SPAG17: variants seen among roughly 807,000 people sequenced by gnomAD.
SPAG17 encodes the protein sperm associated antigen 17, also known as sperm-associated antigen 17.
Under a neutral mutation model 273.6 loss-of-function variants are expected in SPAG17, and 169 were observed. That is an observed-to-expected ratio of 0.62 (90% CI 0.55 to 0.70). The LOEUF (loss-of-function observed/expected upper bound fraction) is 0.70. Among genes scored for constraint, SPAG17 ranks in the 30% least tolerant of loss-of-function variants. The probability of loss-of-function intolerance (pLI) is 0.00; values close to 1 mark genes in which losing one functional copy is unlikely to be tolerated. For synonymous variants in SPAG17, 825 were observed against 873.2 expected (o/e 0.94, Z 0.97); for missense variants, 2,557 against 2,627.8 (o/e 0.97, Z 0.59).
Position 118,167,784 on chromosome 1 carries a change from C to T in SPAG17, c.88-16415G>A, listed in dbSNP as rs369649206. ...AAATCTCATGCTCAGTTGTAATCTC[C>T]GGTGTTGGAGGTGGGGCCTGGTGGG... On this transcript the variant is annotated intron_variant, in intron 1 of 48. Coordinates refer to ENST00000336338, the MANE Select transcript of SPAG17 (RefSeq NM_206996.4). 2.6e-4 allele frequency among the ~76,000 whole-genome samples: 39 copies of T among 152,164 alleles called. 2 individuals are homozygous for T. In the South Asian group the frequency reaches 6.9e-3, roughly 27 times the overall value.
intron 20 of SPAG17, among the ~76,000 whole-genome samples, chr1:118,045,772 G>A (rs1233290959): frequency 6.6e-6 from 1 of 152,108 alleles, no homozygotes; most frequent in African/African-American, 2.4e-5. Context: ...GTTAATCTAC[G>A]AGGTCTGTGC....
At chr1:118,085,836 T>C in intron 13 of SPAG17, 86 bp downstream of exon 13, 1 of 1,337,832 alleles carries the variant, frequency 7.5e-7, no homozygotes, top group Non-Finnish European at 1.0e-6. Context: ...ATGAAAATAC[T>C]TTTTGTAAAT....
At position 118,074,612 on chromosome 1, in the gene SPAG17, A is replaced by G. The variant is rs1262420454; in HGVS notation, c.2210-12T>C. 1.2e-6 allele frequency: 2 copies of G among 1,612,466 alleles called. No homozygotes were observed. The highest frequency in any genetic ancestry group is 4.5e-5 in the East Asian group (2 of 44,872). The stretch of plus-strand genomic sequence containing the variant: ...GTTTGTGGTCTGCTCTGCAAATCAA[A>G]GACACCAACATCCAGTTGTGTTCTG... On this transcript the variant is annotated splice_polypyrimidine_tract_variant and intron_variant, in intron 15 of 48. Transcript: ENST00000336338.
At chr1:118,062,892 G>C (rs1029461179) in intron 18 of SPAG17, among the ~76,000 whole-genome samples, 1 of 152,120 alleles carries the variant, frequency 6.6e-6, no homozygotes, top group Non-Finnish European at 1.5e-5. Context: ...GTAGTCCATA[G>C]AATATGTTAC....
chr1:118,151,407 C>A (rs1334071026), intron 1 of SPAG17, 38 bp from the exon 2 acceptor site: 11 of 1,544,550 alleles, frequency 7.1e-6, no homozygotes, highest in Admixed American at 1.8e-5. Flanking sequence ...TTAAATATTC[C>A]TGAATAGGTC....
intron 1 of SPAG17, among the ~76,000 whole-genome samples, chr1:118,154,695 A>G (rs1217455155): frequency 6.6e-6 from 1 of 152,252 alleles, no homozygotes; most frequent in East Asian, 1.9e-4. Flanking sequence ...CCCAACATGC[A>G]GCTAAATGAA....
In SPAG17 at chr1:117,987,904, A is replaced by G. The variant is rs540031034; in HGVS notation, c.5622-23T>C. The G allele has an allele frequency of 1.5e-4, 243 of 1,613,462 alleles. 3 individuals carry two copies. The South Asian group carries it at 2.5e-3, about 17-fold the overall frequency. ...TGTCTATGTGAAAGGAAAGGAAAGT[A>G]TGGTGAAAAGGGGCAATGATTTCAG... is the stretch of plus-strand genomic sequence containing the variant. On this transcript the variant is annotated intron_variant, in intron 39 of 48. Transcript: ENST00000336338.
intron 1 of SPAG17, among the ~76,000 whole-genome samples, chr1:118,162,081 G>A (rs568199980): frequency 3.3e-5 from 5 of 152,200 alleles, no homozygotes; most frequent in African/African-American, 9.6e-5. Flanking sequence ...TAAGGACCAC[G>A]TGACAAAGTA....
intron 1 of SPAG17, among the ~76,000 whole-genome samples, chr1:118,165,641 C>G (rs1478065410): frequency 9.4e-6 from 1 of 106,168 alleles, no homozygotes; most frequent in African/African-American, 3.8e-5. Context: ...AAAAAAAAAA[C>G]TTTCTTTTTT....
Position 118,151,487 on chromosome 1 carries a change from T to C in SPAG17, c.88-118A>G, listed in dbSNP as rs542725134. The C allele has an allele frequency of 4.6e-5, 48 of 1,033,428 alleles. No individual in the cohort carries two copies. In the African/African-American group the frequency reaches 7.6e-4, roughly 16 times the overall value. The allele number at this position is 1,033,428 out of a possible 1,614,324, so 64.0% of individuals were successfully genotyped here. Reference sequence around the variant, plus strand: ...GTAAATCTTACTTGAAAGACAGAGGTGACCTTGTAATGTATGTGGTTTTCT... The same window carrying C: ...GTAAATCTTACTTGAAAGACAGAGGCGACCTTGTAATGTATGTGGTTTTCT... On this transcript the variant is annotated intron_variant, in intron 1 of 48. Transcript: ENST00000336338.
At position 118,016,048 on chromosome 1, in the gene SPAG17, G is replaced by A. The variant is rs760506382; in HGVS notation, c.4204C>T (p.Arg1402Trp). The change falls in exon 29 of 49, where the codon CGG becomes TGG. Residue 1402 changes from arginine (R) to tryptophan (W), a missense_variant. By Grantham distance (101) the Arg-to-Trp change is moderately radical. Transcript: ENST00000336338. ...CTTTCTAATCCTTTGGTGCCGATCC[G>A]ATTTCCTTCAGGTGTGGTTGTAAAC... ...TWFTTTPEGN[R>W]IGTKGLERIA... The A allele has an allele frequency of 9.3e-6, 15 of 1,613,998 alleles. No individual in the cohort carries two copies. Among genetic ancestry groups the A allele is most frequent in the South Asian group, 8.8e-5 (8 of 91,072 alleles).
At chr1:118,009,547 C>T (rs1473155058) in intron 30 of SPAG17, among the ~76,000 whole-genome samples, 4 of 152,022 alleles carry the variant, frequency 2.6e-5, no homozygotes, top group Non-Finnish European at 5.9e-5. Flanking sequence ...ACCTTTCTGA[C>T]GAAAGACATG....
At chr1:118,158,219 A>G (rs1394649028) in intron 1 of SPAG17, among the ~76,000 whole-genome samples, 1 of 152,214 alleles carries the variant, frequency 6.6e-6, no homozygotes, top group Admixed American at 6.5e-5. Flanking sequence ...GGCAGGAGAA[A>G]TCTTCAAGTC....
rs780404471 is a variant in SPAG17, at chr1:117,963,949, T to C, written c.6533-11A>G. 3.1e-6 allele frequency: 5 copies of C among 1,610,174 alleles called. No individual in the cohort carries two copies. The highest frequency in any genetic ancestry group is 4.2e-6 in the Non-Finnish European group (5 of 1,178,252). ...TGCTTGTTAAAACAGGTAAAATACT[T>C]GTTAAGGGCTGTGCTTTTCATGACT... On this transcript the variant is annotated splice_polypyrimidine_tract_variant and intron_variant, in intron 47 of 48. Transcript: ENST00000336338.
chr1:118,065,714 A>G (rs1395428314), intron 18 of SPAG17, among the ~76,000 whole-genome samples: 1 of 152,122 alleles, frequency 6.6e-6, no homozygotes, highest in Non-Finnish European at 1.5e-5. Context: ...TAAACACCTA[A>G]ATTGATCCAG....
intron 18 of SPAG17, among the ~76,000 whole-genome samples, chr1:118,065,953 G>A (rs561868532): frequency 1.4e-4 from 21 of 152,166 alleles, no homozygotes; most frequent in East Asian, 3.9e-4. Context: ...GATAAAATGC[G>A]TAATTATTGT....
intron 3 of SPAG17, among the ~76,000 whole-genome samples, chr1:118,129,679 CCTTCTT>C (rs909814290): frequency 2.7e-4 from 41 of 149,578 alleles, no homozygotes; most frequent in African/African-American, 9.5e-4. Context: ...TCTTTCTCTA[CCTTCTT>C]CTTCTTCCTC....
At chr1:118,037,490 T>C (rs578074813) in intron 23 of SPAG17, among the ~76,000 whole-genome samples, 1 of 152,270 alleles carries the variant, frequency 6.6e-6, no homozygotes, top group Non-Finnish European at 1.5e-5. Context: ...TTTTTGATCC[T>C]TACCCTTCTC....
intron 26 of SPAG17, among the ~76,000 whole-genome samples, chr1:118,026,001 C>T (rs533645090): frequency 5.3e-5 from 8 of 152,062 alleles, no homozygotes; most frequent in East Asian, 1.9e-4. Flanking sequence ...TGAAGGAAGC[C>T]GAGTTTTGCT....
Sources: gnomAD v4.1 joint callset for allele counts (sites outside exome capture counted in the v4.1 genomes callset) on GRCh38, gnomAD v4.1.1 for gene constraint, MANE v1.5 for transcripts, NCBI Gene and HGNC (gene_info 2026-07-23, HGNC 2026-07-21) for gene names.